Variants in PGM5 observed in about 807,000 individuals in gnomAD.
PGM5 encodes the protein phosphoglucomutase 5.
A neutral mutation model predicts 59.2 loss-of-function variants in PGM5; 23 were observed. That is an observed-to-expected ratio of 0.39 (90% confidence interval 0.28 to 0.55). The LOEUF is 0.55. Among genes scored for constraint, PGM5 ranks in the 20% least tolerant of loss-of-function variants. PGM5 has a pLI of 0.66. For synonymous variants in PGM5, 214 were observed against 286.0 expected (o/e 0.75, Z 2.54); for missense variants, 574 against 748.3 (o/e 0.77, Z 2.72).
intron 10 of PGM5, among the ~76,000 whole-genome samples, chr9:68,511,214 C>G (rs572621752): frequency 4.7e-4 from 72 of 152,274 alleles, no homozygotes; most frequent in African/African-American, 1.7e-3. Context: ...CTTTGATTTC[C>G]TTCAGTGCCT....
At chr9:68,361,295 G>A (rs1166191835) in intron 1 of PGM5, among the ~76,000 whole-genome samples, 16 of 152,064 alleles carry the variant, frequency 1.1e-4, no homozygotes, top group Admixed American at 1.3e-4. Flanking sequence ...CTCACTCTTT[G>A]TTTATGTATT....
At chr9:68,462,630 G>A (rs1435112183) in intron 6 of PGM5, among the ~76,000 whole-genome samples, 2 of 152,058 alleles carry the variant, frequency 1.3e-5, no homozygotes, top group Non-Finnish European at 2.9e-5. Flanking sequence ...CTTCAGACCT[G>A]CCAACTTGGC....
At chr9:68,429,809 T>C (rs997954070) in intron 6 of PGM5, among the ~76,000 whole-genome samples, 2 of 152,224 alleles carry the variant, frequency 1.3e-5, no homozygotes, top group Non-Finnish European at 2.9e-5. Flanking sequence ...TTCTTAGAGA[T>C]AATCTCCACT....
chr9:68,503,833 T>A (rs1824614342), intron 10 of PGM5, among the ~76,000 whole-genome samples: 1 of 152,208 alleles, frequency 6.6e-6, no homozygotes, highest in Non-Finnish European at 1.5e-5. Context: ...CTACTTTAAT[T>A]GTTTTGAGGT....
intron 6 of PGM5, among the ~76,000 whole-genome samples, chr9:68,447,948 G>T (rs1823640145): frequency 6.6e-6 from 1 of 152,156 alleles, no homozygotes; most frequent in Non-Finnish European, 1.5e-5. Context: ...CATTTGGGTT[G>T]CCAGGGGCAG....
intron 7 of PGM5, among the ~76,000 whole-genome samples, chr9:68,473,356 T>C (rs1180444407): frequency 1.3e-5 from 2 of 152,196 alleles, no homozygotes; most frequent in Admixed American, 6.5e-5. Flanking sequence ...TCTCACCACA[T>C]AGGATGCTTT....
At chr9:68,380,436 T>A (rs1324516967) in intron 2 of PGM5, among the ~76,000 whole-genome samples, 1 of 151,848 alleles carries the variant, frequency 6.6e-6, no homozygotes, top group Non-Finnish European at 1.5e-5. Flanking sequence ...ACCTACAGTA[T>A]GCGGCAAAGT....
Position 68,507,833 on chromosome 9 carries a change from A to G in PGM5, c.1614+8472A>G, listed in dbSNP as rs1025126029. 8.5e-5 allele frequency among the ~76,000 whole-genome samples: 13 copies of G among 152,220 alleles called. No homozygotes were observed. In the East Asian group the frequency reaches 2.3e-3, roughly 27 times the overall value. On this transcript the variant is annotated intron_variant, in intron 10 of 10. Coordinates refer to ENST00000396396, the MANE Select transcript of PGM5 (RefSeq NM_021965.4). ...TTCTTTTTCTTCCTTAGATATTGAA[A>G]TCTGGACTCATACTCTGCCGTTACT...
At chr9:68,507,464 TTCTAAG>T (rs1824675910) in intron 10 of PGM5, among the ~76,000 whole-genome samples, 1 of 152,234 alleles carries the variant, frequency 6.6e-6, no homozygotes, top group African/African-American at 2.4e-5. Flanking sequence ...GTTTGTGCTT[TTCTAAG>T]TCTCTTTGCC....
At chr9:68,379,709 A>G (rs1305888986) in intron 2 of PGM5, among the ~76,000 whole-genome samples, 3 of 152,106 alleles carry the variant, frequency 2.0e-5, no homozygotes, top group Non-Finnish European at 4.4e-5. Flanking sequence ...CAAGAGACCC[A>G]TTTTTAAACT....
At chr9:68,369,054 T>C (rs537128799) in intron 1 of PGM5, among the ~76,000 whole-genome samples, 62 of 152,390 alleles carry the variant, frequency 4.1e-4, no homozygotes, top group African/African-American at 1.1e-3. Context: ...TCAATAATGG[T>C]ACATTTAAAC....
At chr9:68,403,729 A>G (rs2132030472) in intron 6 of PGM5, among the ~76,000 whole-genome samples, 1 of 152,244 alleles carries the variant, frequency 6.6e-6, no homozygotes, top group Admixed American at 6.5e-5. Flanking sequence ...AGGGCAGGAA[A>G]AGTTCTGATT....
At chr9:68,516,679 C>T (rs970303886) in intron 10 of PGM5, among the ~76,000 whole-genome samples, 3 of 152,120 alleles carry the variant, frequency 2.0e-5, no homozygotes, top group Admixed American at 6.5e-5. Flanking sequence ...GGGAAGAGCA[C>T]ACACTCTCAG....
At chr9:68,439,567 A>G (rs1554683557) in intron 6 of PGM5, among the ~76,000 whole-genome samples, 1 of 148,110 alleles carries the variant, frequency 6.8e-6, no homozygotes, top group East Asian at 1.9e-4. Context: ...AGATGATCAA[A>G]CAGCTACAGA....
chr9:68,454,143 C>A (rs1469176611), intron 6 of PGM5, among the ~76,000 whole-genome samples: 1 of 152,178 alleles, frequency 6.6e-6, no homozygotes, highest in East Asian at 1.9e-4. Context: ...GAGGAGAATG[C>A]AAGCAGGGAT....
intron 7 of PGM5, among the ~76,000 whole-genome samples, chr9:68,477,912 CTCTTAACTT>C (rs1824131972): frequency 2.0e-5 from 3 of 152,216 alleles, no homozygotes; most frequent in African/African-American, 7.2e-5. Flanking sequence ...AGAGCTTGTC[CTCTTAACTT>C]GATTAAGTTG....
rs782437707 is a variant in PGM5, at chr9:68,499,410, A to G, written c.1614+49A>G. On this transcript the variant is annotated intron_variant, in intron 10 of 10. Coordinates refer to ENST00000396396, the MANE Select transcript of PGM5 (RefSeq NM_021965.4). ...GCAGTGTGTCTCGCAGCTCCTGGCA[A>G]ATTTAGAGAGCTCCATGGGCCTTTA... is the stretch of plus-strand genomic sequence containing the variant. 5 of 1,589,954 alleles carry G rather than the reference A, an allele frequency of 3.1e-6. No individual in the cohort carries two copies. The African/African-American group carries it at 6.7e-5, about 21-fold the overall frequency.
intron 1 of PGM5, among the ~76,000 whole-genome samples, chr9:68,366,362 A>G (rs1363748509): frequency 1.3e-5 from 2 of 152,268 alleles, no homozygotes; most frequent in Non-Finnish European, 2.9e-5. Flanking sequence ...ACTAAAATAA[A>G]GGATATAAAT....
At chr9:68,428,850 G>A (rs782062993) in intron 6 of PGM5, 13 of 152,048 alleles carry the variant, frequency 8.5e-5, no homozygotes, top group Admixed American at 2.6e-4. Context: ...TTTGTGTTTC[G>A]GAGAATGCTC....
Sources: gnomAD v4.1 joint callset for allele counts (sites outside exome capture counted in the v4.1 genomes callset) on GRCh38, gnomAD v4.1.1 for gene constraint, MANE v1.5 for transcripts, NCBI Gene and HGNC (gene_info 2026-07-23, HGNC 2026-07-21) for gene names.